The following DOK5 variants were observed in gnomAD, a reference collection of about 807,000 sequenced individuals.
DOK5 encodes docking protein 5, also known as downstream of tyrosine kinase 5.
Under a neutral mutation model 43.3 loss-of-function variants are expected in DOK5, and 27 were observed. The ratio of observed to expected loss-of-function variants is 0.62; its 90% CI spans 0.46 to 0.86. DOK5 has a LOEUF of 0.86. Ranked by LOEUF, DOK5 falls within the 40% of genes least tolerant of loss-of-function variation. The pLI, the probability that DOK5 is intolerant of heterozygous loss-of-function variation, is 0.00. For missense variants in DOK5, 373 were observed against 392.9 expected, an observed-to-expected ratio of 0.95 and a Z score of 0.43; for synonymous variants, 146 against 140.1, an observed-to-expected ratio of 1.04 and a Z score of -0.30.
intron 1 of DOK5, among the ~76,000 whole-genome samples, chr20:54,529,657 A>C (rs930551729): frequency 6.6e-6 from 1 of 152,212 alleles, no homozygotes; most frequent in Non-Finnish European, 1.5e-5. Flanking sequence ...CATCATCACA[A>C]TGTAAATTTA....
At chr20:54,485,309 T>A (rs1466109401) in intron 1 of DOK5, among the ~76,000 whole-genome samples, 10 of 146,544 alleles carry the variant, frequency 6.8e-5, no homozygotes, top group African/African-American at 2.6e-4. Flanking sequence ...GCTGAGATCG[T>A]GCCATTGCAC....
chr20:54,628,402 C>A (rs1423269664), intron 6 of DOK5, among the ~76,000 whole-genome samples: 1 of 92,358 alleles, frequency 1.1e-5, no homozygotes, highest in African/African-American at 5.7e-5. Context: ...GAGCGAGACT[C>A]CGTCTCAAAA....
chr20:54,574,835 A>C (rs931649951), intron 2 of DOK5, among the ~76,000 whole-genome samples: 1 of 152,152 alleles, frequency 6.6e-6, no homozygotes, highest in Admixed American at 6.5e-5. Context: ...TGGTTGGGAA[A>C]CAGTATAGTC....
intron 6 of DOK5, among the ~76,000 whole-genome samples, chr20:54,612,649 C>T (rs753198080): frequency 7.9e-5 from 12 of 152,168 alleles, no homozygotes; most frequent in Non-Finnish European, 1.3e-4. Flanking sequence ...GCCTTCAAAT[C>T]CAGACCAGAA....
At chr20:54,630,006 T>A (rs1408726540) in intron 6 of DOK5, among the ~76,000 whole-genome samples, 2 of 152,234 alleles carry the variant, frequency 1.3e-5, no homozygotes, top group Admixed American at 1.3e-4. Flanking sequence ...CTATGAGCTA[T>A]GGATTTTCCT....
At chr20:54,645,331 C>T (rs1185501596) in intron 7 of DOK5, among the ~76,000 whole-genome samples, 1 of 92,388 alleles carries the variant, frequency 1.1e-5, no homozygotes, top group East Asian at 3.6e-4. Flanking sequence ...CCTCCATGCC[C>T]GCTCTGAACC....
At chr20:54,551,213 T>G (rs1984519510) in intron 1 of DOK5, among the ~76,000 whole-genome samples, 1 of 152,244 alleles carries the variant, frequency 6.6e-6, no homozygotes, top group African/African-American at 2.4e-5. Flanking sequence ...GTGAGATGTC[T>G]GTTCATGACT....
At chr20:54,613,658 G>T (rs1986721073) in intron 6 of DOK5, among the ~76,000 whole-genome samples, 1 of 152,060 alleles carries the variant, frequency 6.6e-6, no homozygotes, top group Non-Finnish European at 1.5e-5. Context: ...ATCATATTTT[G>T]TGGTCCTATT....
chr20:54,528,404 G>T (rs1983651446), intron 1 of DOK5, among the ~76,000 whole-genome samples: 1 of 151,984 alleles, frequency 6.6e-6, no homozygotes. Context: ...AGGAAACCTG[G>T]TATCTTTCAT....
chr20:54,585,311 T>C (rs1985769305), intron 2 of DOK5, among the ~76,000 whole-genome samples: 1 of 152,110 alleles, frequency 6.6e-6, no homozygotes, highest in Admixed American at 6.5e-5. Context: ...TGAGCGGGGG[T>C]GTTCAGTTGC....
intron 5 of DOK5, among the ~76,000 whole-genome samples, chr20:54,604,654 A>G (rs1986407700): frequency 6.6e-6 from 1 of 152,170 alleles, no homozygotes; most frequent in African/African-American, 2.4e-5. Context: ...AAAATACAAC[A>G]TTGATTTAAT....
chr20:54,589,956 C>T (rs1652525627), intron 4 of DOK5, among the ~76,000 whole-genome samples: 4 of 152,062 alleles, frequency 2.6e-5, no homozygotes, highest in African/African-American at 9.7e-5. Flanking sequence ...CACAACCAAT[C>T]CCCAGGCTCC....
intron 1 of DOK5, among the ~76,000 whole-genome samples, chr20:54,550,180 CA>C (rs11483522): frequency 0.1 from 8,936 of 87,318 alleles, 210 homozygotes; most frequent in Middle Eastern, 0.2. Context: ...GATTGGATGG[CA>C]AAAAAAAAAA....
chr20:54,625,963 C>A (rs556890405), intron 6 of DOK5, among the ~76,000 whole-genome samples: 1 of 152,184 alleles, frequency 6.6e-6, no homozygotes, highest in Non-Finnish European at 1.5e-5. Context: ...GAAATCTCTG[C>A]CTTCAGGAAG....
intron 1 of DOK5, among the ~76,000 whole-genome samples, chr20:54,483,541 T>C (rs1253395150): frequency 1.3e-5 from 2 of 152,220 alleles, no homozygotes; most frequent in Non-Finnish European, 1.5e-5. Context: ...AGGTCAAATA[T>C]TGAAGTGAAA....
chr20:54,611,410 A>C (rs2146794099), intron 6 of DOK5, among the ~76,000 whole-genome samples: 1 of 152,130 alleles, frequency 6.6e-6, no homozygotes, highest in East Asian at 1.9e-4. Context: ...AAAATACAAA[A>C]ATTAGCCAGG....
chr20:54,629,138 A>G lies in DOK5; in HGVS notation c.736-14320A>G, dbSNP rs142729895. ...TTTCTAGTGTCATTTGGAGAAAAAC[A>G]AAAGGGTTGGGGATAGTGCTGGGGG... On this transcript the variant is annotated intron_variant, in intron 6 of 7. Coordinates refer to ENST00000262593, the MANE Select transcript of DOK5 (RefSeq NM_018431.5). Among the ~76,000 whole-genome samples, 710 of 152,316 alleles carry G rather than the reference A, an allele frequency of 4.7e-3. 22 individuals are homozygous for G. Among genetic ancestry groups the G allele is most frequent in the Admixed American group, 0.041 (624 of 15,296 alleles).
chr20:54,609,214 T>A (rs1180667744), intron 5 of DOK5, among the ~76,000 whole-genome samples: 2 of 152,240 alleles, frequency 1.3e-5, no homozygotes, highest in Non-Finnish European at 2.9e-5. Flanking sequence ...TTGCTTAGTT[T>A]CTATGCTGTG....
At chr20:54,582,823 T>C (rs1985683688) in intron 2 of DOK5, among the ~76,000 whole-genome samples, 1 of 151,970 alleles carries the variant, frequency 6.6e-6, no homozygotes, top group Non-Finnish European at 1.5e-5. Flanking sequence ...AACCAATTCT[T>C]GGTTTCACTG....
Sources: allele counts gnomAD v4.1 joint callset (sites outside exome capture counted in the v4.1 genomes callset), GRCh38; gene constraint gnomAD v4.1.1; transcripts MANE v1.5; gene names NCBI Gene and HGNC (gene_info 2026-07-23, HGNC 2026-07-21).